The following SP100 variants were observed in gnomAD, a reference collection of about 807,000 sequenced individuals.
SP100 encodes nuclear autoantigen Sp-100.
SP100 carries 84 observed loss-of-function variants against 130.0 expected under a neutral mutation model. The ratio of observed to expected loss-of-function variants is 0.65; its 90% CI spans 0.54 to 0.77. The LOEUF is 0.77. SP100 is among the 30% of genes least tolerant of loss of function. The pLI is 0.00. For synonymous variants in SP100, 331 were observed against 351.7 expected (o/e 0.94, Z 0.66); for missense variants, 978 against 1,052.2 (o/e 0.93, Z 0.97).
rs149925213 is a variant in SP100 at position 230,443,054 on chromosome 2, C to T, written c.225C>T (p.Leu75=). The T allele has an allele frequency of 3.0e-4, 478 of 1,613,998 alleles. No homozygotes were observed. In the African/African-American group the frequency reaches 4.9e-3, roughly 16 times the overall value. Residue 75 remains leucine, a synonymous_variant, in exon 3 of 29, where the codon CTC becomes CTT. Coordinates refer to ENST00000340126, the MANE Select transcript of SP100 (RefSeq NM_001080391.2). The part of the protein sequence containing the change: ...SNAIKKTFPF[L]EGLRDRDLIT... ...CAATAAAAAAGACATTTCCATTCCTCGAGGGCCTCCGTGATCGTGATCTCA... is the reference window on the plus strand; with the variant it reads ...CAATAAAAAAGACATTTCCATTCCTTGAGGGCCTCCGTGATCGTGATCTCA...
chr2:230,467,887 T>A (rs1308665967), intron 13 of SP100, among the ~76,000 whole-genome samples: 2 of 152,232 alleles, frequency 1.3e-5, no homozygotes, highest in Non-Finnish European at 1.5e-5. Context: ...ATTGCCTGAT[T>A]TTGTCACCAA....
At position 230,417,750 on chromosome 2, in the gene SP100, A is replaced by G. The variant is rs958702376; in HGVS notation, c.107+85A>G. ...GATCAGCTTTTCATGTTTCTTGGCCATTTAAATTCCCTCTTCTATAAATTG... is the reference window on the plus strand; with the variant it reads ...GATCAGCTTTTCATGTTTCTTGGCCGTTTAAATTCCCTCTTCTATAAATTG... On this transcript the variant is annotated intron_variant, in intron 2 of 28. Coordinates refer to ENST00000340126, the MANE Select transcript of SP100 (RefSeq NM_001080391.2). 10 of 1,527,566 alleles carry G rather than the reference A, an allele frequency of 6.5e-6. No individual in the cohort carries two copies. The African/African-American group carries it at 9.7e-5, about 15-fold the overall frequency. The allele number at this position is 1,527,566 out of a possible 1,614,324, so 94.6% of individuals were successfully genotyped here. A position where few individuals can be genotyped will look rare whatever the true frequency, so the allele number is the denominator to read the frequency against.
Position 230,486,343 on chromosome 2 carries a change from C to A in SP100, c.1601-8073C>A, listed in dbSNP as rs565751643. 6.6e-5 allele frequency among the ~76,000 whole-genome samples: 10 copies of A among 152,272 alleles called. No homozygotes were observed. The South Asian group carries it at 2.1e-3, about 32-fold the overall frequency. The stretch of plus-strand genomic sequence containing the variant: ...GGTTCACTCCCCTCACCTTCCACCC[C>A]ACAACAGGCCCTATGTGTTCCCCTC... On this transcript the variant is annotated intron_variant, in intron 17 of 28. Coordinates refer to ENST00000340126, the MANE Select transcript of SP100 (RefSeq NM_001080391.2).
At chr2:230,480,415 C>G (rs182634568) in intron 17 of SP100, among the ~76,000 whole-genome samples, 1 of 152,136 alleles carries the variant, frequency 6.6e-6, no homozygotes, top group Non-Finnish European at 1.5e-5. Flanking sequence ...ATTAGAAGAT[C>G]AGGGATTTTT....
chr2:230,417,040 T>C (rs1240686719), intron 1 of SP100, among the ~76,000 whole-genome samples: 5 of 152,220 alleles, frequency 3.3e-5, no homozygotes, highest in African/African-American at 4.8e-5. Flanking sequence ...ACAAAAGAAA[T>C]ACACTGTACA....
intron 24 of SP100, among the ~76,000 whole-genome samples, chr2:230,529,723 T>A (rs536772145): frequency 1.3e-5 from 2 of 152,122 alleles, no homozygotes; most frequent in African/African-American, 4.8e-5. Context: ...TAAGCAAATT[T>A]AGCAAAGTCT....
chr2:230,446,182 C>T (rs2063702736), intron 4 of SP100, among the ~76,000 whole-genome samples: 1 of 152,194 alleles, frequency 6.6e-6, no homozygotes, highest in Non-Finnish European at 1.5e-5. Context: ...AATCTCAGCT[C>T]ACTGCAGCCC....
intron 21 of SP100, among the ~76,000 whole-genome samples, chr2:230,505,630 C>T (rs1690027000): frequency 1.3e-5 from 2 of 152,174 alleles, no homozygotes; most frequent in African/African-American, 2.4e-5. Flanking sequence ...AATTACAGAA[C>T]TAATGTTCAT....
chr2:230,493,006 A>G (rs1185232902), intron 17 of SP100, among the ~76,000 whole-genome samples: 3 of 152,190 alleles, frequency 2.0e-5, no homozygotes, highest in Admixed American at 6.5e-5. Flanking sequence ...TTAAAGTCCA[A>G]TAAATTTGTT....
At chr2:230,473,262 G>A (rs1347503221) in intron 15 of SP100, 62 bp from the exon 16 acceptor site, 16 of 1,124,436 alleles carry the variant, frequency 1.4e-5, no homozygotes, top group Non-Finnish European at 2.2e-5. Context: ...TAATGTTGGG[G>A]GGAAGGAGAA....
rs572672191 is a variant in SP100, at chr2:230,523,305, G to A, written c.2094+12139G>A. Among the ~76,000 whole-genome samples, 35 of 152,304 alleles carry A rather than the reference G, an allele frequency of 2.3e-4. No individual in the cohort carries two copies. In the South Asian group the frequency reaches 6.8e-3, roughly 30 times the overall value. On this transcript the variant is annotated intron_variant, in intron 24 of 28. Transcript: ENST00000340126. The stretch of plus-strand genomic sequence containing the variant: ...TGGATCTTTGTTTGTGTGTATACAC[G>A]TTTAGATGTGTTTATGTGTATGTAC...
rs1559518757 is a variant in SP100, at chr2:230,494,429, GCATAGA to G, written c.1615_1620del (p.His539_Arg540del). 6.2e-7 allele frequency: 1 copy of G among 1,606,040 alleles called. No homozygotes were observed. The highest frequency in any genetic ancestry group is 8.5e-7 in the Non-Finnish European group (1 of 1,172,906). On this transcript the variant is annotated inframe_deletion, in exon 18 of 29. Transcript: ENST00000340126. ...TTCTGTTTGCAGGAAAAAAGAGAAG[GCATAGA>G]TCTAAAGTAAATGGTCTCCAAAGAG...
chr2:230,479,059 G>T (rs147509548), intron 17 of SP100, among the ~76,000 whole-genome samples: 1 of 152,176 alleles, frequency 6.6e-6, no homozygotes, highest in African/African-American at 2.4e-5. Flanking sequence ...GACCTCAGGT[G>T]ATCCACCCGC....
rs763580976 is a variant in SP100, at chr2:230,541,311, T to C, written c.2342T>C (p.Phe781Ser). The C allele has an allele frequency of 3.1e-6, 5 of 1,613,954 alleles. No individual in the cohort carries two copies. In the Admixed American group the frequency reaches 8.3e-5, roughly 27 times the overall value. ...MLPEEQLKCE[F>S]LLLKVYCDSK... Reference sequence around the variant, plus strand: ...CTCCATCTTTTGCAGAAATGTGAATTCCTCCTCTTGAAGGTCTACTGTGAT... The same window carrying C: ...CTCCATCTTTTGCAGAAATGTGAATCCCTCCTCTTGAAGGTCTACTGTGAT... Residue 781 changes from phenylalanine (F) to serine (S), a missense_variant, in exon 27 of 29, where the codon TTC (phenylalanine) becomes TCC (serine). Transcript: ENST00000340126.
At chr2:230,427,636 CT>C (rs1559481990) in intron 2 of SP100, among the ~76,000 whole-genome samples, 1 of 151,906 alleles carries the variant, frequency 6.6e-6, no homozygotes, top group Admixed American at 6.6e-5. Context: ...TTTTTTCTTT[CT>C]TTTTTTCTTG....
At chr2:230,515,694 C>T in intron 24 of SP100, 2 of 1,548,166 alleles carry the variant, frequency 1.3e-6, no homozygotes, top group Admixed American at 4.2e-5. Context: ...GCTGCCTGTA[C>T]ACAACTCACT....
intron 2 of SP100, among the ~76,000 whole-genome samples, chr2:230,433,680 A>G (rs1284726420): frequency 6.6e-6 from 1 of 152,044 alleles, no homozygotes; most frequent in Admixed American, 6.5e-5. Flanking sequence ...TGCCATTTTC[A>G]ACATACAAGT....
intron 24 of SP100, chr2:230,538,349 A>G (rs1692029911): frequency 6.6e-6 from 1 of 152,346 alleles, no homozygotes; most frequent in Admixed American, 6.5e-5. Flanking sequence ...AGGATGATGT[A>G]TCAGAAACCT....
At chr2:230,453,546 C>T (rs537001958) in intron 8 of SP100, among the ~76,000 whole-genome samples, 39 of 152,120 alleles carry the variant, frequency 2.6e-4, no homozygotes, top group Non-Finnish European at 4.9e-4. Flanking sequence ...TTGTCAAATG[C>T]TTTTCCTACA....
Sources: gnomAD v4.1 joint callset for allele counts (sites outside exome capture counted in the v4.1 genomes callset) on GRCh38, gnomAD v4.1.1 for gene constraint, MANE v1.5 for transcripts, NCBI Gene and HGNC (gene_info 2026-07-23, HGNC 2026-07-21) for gene names.